The following PPM1H variants were observed in gnomAD, a reference collection of about 807,000 sequenced individuals.
PPM1H encodes the protein protein phosphatase 1H.
PPM1H carries 27 observed loss-of-function variants against 54.9 expected under a neutral mutation model. The observed-to-expected ratio is 0.49, with a 90% CI of 0.36 to 0.68. PPM1H has a LOEUF of 0.68. Ranked by LOEUF, PPM1H falls within the 30% of genes least tolerant of loss-of-function variation. The pLI, the probability that PPM1H is intolerant of heterozygous loss-of-function variation, is 0.00. For synonymous variants in PPM1H, 305 were observed against 270.8 expected (o/e 1.13, Z -1.24); for missense variants, 596 against 667.8 (o/e 0.89, Z 1.19).
intron 4 of PPM1H, among the ~76,000 whole-genome samples, chr12:62,768,968 T>C (rs902171983): frequency 3.3e-5 from 5 of 152,160 alleles, no homozygotes; most frequent in African/African-American, 7.2e-5. Context: ...ACCTGAGACA[T>C]GTTTGTTTTG....
chr12:62,738,155 T>C (rs2076360720), intron 4 of PPM1H, among the ~76,000 whole-genome samples: 2 of 152,178 alleles, frequency 1.3e-5, no homozygotes, highest in Admixed American at 1.3e-4. Flanking sequence ...CAGCTCTAGA[T>C]CCCTGTTACT....
chr12:62,865,950 G>A lies in PPM1H; in HGVS notation c.246-33671C>T, dbSNP rs919515578. ...CATAAGTAGCCACAGCGACTATTGG[G>A]TCCCAGCTCAGTTTATAAATTCCCT... On this transcript the variant is annotated intron_variant, in intron 1 of 9. Coordinates refer to ENST00000228705, the MANE Select transcript of PPM1H (RefSeq NM_020700.2). Among the ~76,000 whole-genome samples the A allele has an allele frequency of 3.9e-5, 6 of 152,172 alleles. No individual in the cohort carries two copies. In the South Asian group the frequency reaches 6.2e-4, roughly 16 times the overall value.
rs147892350 is a variant in PPM1H at position 62,880,268 on chromosome 12, A to C, written c.246-47989T>G. 3.0e-3 allele frequency among the ~76,000 whole-genome samples: 450 copies of C among 152,364 alleles called. 1 individual carries two copies. The highest frequency in any genetic ancestry group is 5.1e-3 in the Non-Finnish European group (347 of 68,024). ...GCATTGTGAAATACTGCTCTAACAAAGTCAATGAATTAATTTGCAAAGATC... is the reference window on the plus strand; with the variant it reads ...GCATTGTGAAATACTGCTCTAACAACGTCAATGAATTAATTTGCAAAGATC... On this transcript the variant is annotated intron_variant, in intron 1 of 9. Transcript: ENST00000228705.
chr12:62,886,486 C>T (rs542143914), intron 1 of PPM1H, among the ~76,000 whole-genome samples: 3 of 152,114 alleles, frequency 2.0e-5, no homozygotes, highest in African/African-American at 4.8e-5. Flanking sequence ...AGAAACTGAA[C>T]AGTAGCACTG....
intron 6 of PPM1H, among the ~76,000 whole-genome samples, chr12:62,705,389 C>G (rs1281945433): frequency 6.6e-6 from 1 of 152,180 alleles, no homozygotes; most frequent in Non-Finnish European, 1.5e-5. Context: ...TACTGAGCAC[C>G]TAGTAGGTGC....
intron 4 of PPM1H, among the ~76,000 whole-genome samples, chr12:62,747,849 G>A (rs1284177797): frequency 2.6e-5 from 4 of 152,190 alleles, no homozygotes; most frequent in African/African-American, 9.7e-5. Flanking sequence ...AACCCACCAA[G>A]TACTCCCTCT....
chr12:62,807,242 C>A (rs1051629256), intron 2 of PPM1H, among the ~76,000 whole-genome samples: 23 of 152,024 alleles, frequency 1.5e-4, no homozygotes, highest in Admixed American at 2.6e-4. Flanking sequence ...CAAAAAAAAA[C>A]CATTGACTGA....
chr12:62,733,956 C>T (rs1046253647), intron 5 of PPM1H, among the ~76,000 whole-genome samples: 8 of 151,968 alleles, frequency 5.3e-5, no homozygotes, highest in East Asian at 3.9e-4. Context: ...TCTTTGCTAC[C>T]GACTGAATGT....
intron 4 of PPM1H, among the ~76,000 whole-genome samples, chr12:62,785,298 T>A (rs1418751618): frequency 1.3e-5 from 2 of 152,198 alleles, no homozygotes; most frequent in Non-Finnish European, 2.9e-5. Context: ...TGCCTCAGCC[T>A]CCCAGGTAGC....
chr12:62,889,177 CATG>C (rs1271941175), intron 1 of PPM1H, among the ~76,000 whole-genome samples: 1 of 152,162 alleles, frequency 6.6e-6, no homozygotes. Flanking sequence ...CCAATATTGT[CATG>C]ATATCAGATA....
At chr12:62,658,234 A>C (rs1294468486) in intron 9 of PPM1H, among the ~76,000 whole-genome samples, 4 of 132,332 alleles carry the variant, frequency 3.0e-5, no homozygotes, top group Admixed American at 2.4e-4. Flanking sequence ...AAGTTTCCAC[A>C]GACAGTTTTG....
At chr12:62,891,029 A>T (rs1304755294) in intron 1 of PPM1H, among the ~76,000 whole-genome samples, 2 of 146,186 alleles carry the variant, frequency 1.4e-5, no homozygotes, top group Non-Finnish European at 3.0e-5. Context: ...GAATCGCTTG[A>T]TCCCAGGAGG....
intron 2 of PPM1H, among the ~76,000 whole-genome samples, chr12:62,811,919 T>A (rs985337303): frequency 1.3e-5 from 2 of 152,222 alleles, no homozygotes; most frequent in African/African-American, 4.8e-5. Flanking sequence ...AGCACCTATG[T>A]TTAATCCCCC....
chr12:62,726,033 A>G (rs780432415), intron 5 of PPM1H, among the ~76,000 whole-genome samples: 2 of 152,184 alleles, frequency 1.3e-5, no homozygotes, highest in Non-Finnish European at 2.9e-5. Flanking sequence ...CTCCTTGTGT[A>G]CCTGTGATAT....
intron 5 of PPM1H, among the ~76,000 whole-genome samples, chr12:62,733,190 T>C (rs1204504438): frequency 2.0e-5 from 3 of 152,158 alleles, no homozygotes; most frequent in African/African-American, 7.2e-5. Context: ...GACTCATGAC[T>C]GGGCTGGGCT....
chr12:62,871,096 A>G (rs1475572925), intron 1 of PPM1H, among the ~76,000 whole-genome samples: 1 of 152,166 alleles, frequency 6.6e-6, no homozygotes, highest in Non-Finnish European at 1.5e-5. Context: ...TCACACAAAA[A>G]CTTGTACATT....
chr12:62,909,464 C>A (rs577821997), intron 1 of PPM1H, among the ~76,000 whole-genome samples: 2 of 152,294 alleles, frequency 1.3e-5, no homozygotes, highest in Non-Finnish European at 2.9e-5. Flanking sequence ...CCCCAGCCAC[C>A]CTCACCTCCC....
At chr12:62,868,290 C>T (rs79346835) in intron 1 of PPM1H, among the ~76,000 whole-genome samples, 1,958 of 152,288 alleles carry the variant, frequency 0.013, 26 homozygotes, top group Middle Eastern at 0.024. Context: ...GTTATAGATT[C>T]CCTGTAAAGA....
intron 7 of PPM1H, among the ~76,000 whole-genome samples, chr12:62,691,381 A>G (rs1200545197): frequency 1.3e-5 from 2 of 152,202 alleles, no homozygotes; most frequent in African/African-American, 4.8e-5. Context: ...AAACACTGCA[A>G]TTTAATATAT....
Sources: gnomAD v4.1 joint callset for allele counts (sites outside exome capture counted in the v4.1 genomes callset) on GRCh38, gnomAD v4.1.1 for gene constraint, MANE v1.5 for transcripts, NCBI Gene and HGNC (gene_info 2026-07-23, HGNC 2026-07-21) for gene names.